The following IREB2 variants were observed in gnomAD, a reference collection of about 807,000 sequenced individuals.
The protein encoded by IREB2 is iron-responsive element-binding protein 2.
Under a neutral mutation model 118.8 loss-of-function variants are expected in IREB2, and 39 were observed. The observed-to-expected ratio is 0.33, with a 90% CI of 0.25 to 0.43. IREB2 has a LOEUF of 0.43. IREB2 is among the 20% of genes least tolerant of loss of function. IREB2 has a pLI of 1.00. For missense variants in IREB2, 900 were observed against 1,147.3 expected (o/e 0.78, Z 3.11); for synonymous variants, 372 against 392.2 (o/e 0.95, Z 0.61).
chr15:78,470,689 C>CTTTT (rs67871183), intron 6 of IREB2, 88 bp downstream of exon 6: 57 of 209,894 alleles, frequency 2.7e-4, no homozygotes, highest in Middle Eastern at 1.5e-3. Context: ...TTTTCTTTTC[C>CTTTT]TTTTTTTTTT....
chr15:78,494,623 G>T (rs1468946583), intron 20 of IREB2, among the ~76,000 whole-genome samples: 1 of 152,104 alleles, frequency 6.6e-6, no homozygotes, highest in Non-Finnish European at 1.5e-5. Context: ...ACCCAGACTG[G>T]AGTGCAGTGG....
At chr15:78,477,776 C>T (rs1414699434) in intron 9 of IREB2, among the ~76,000 whole-genome samples, 1 of 151,870 alleles carries the variant, frequency 6.6e-6, no homozygotes, top group Non-Finnish European at 1.5e-5. Context: ...TAAAAATTAG[C>T]CAGGTGTGGC....
At chr15:78,437,958 A>T (rs550480425), upstream of IREB2, among the ~76,000 whole-genome samples, 3 of 152,206 alleles carry the variant, frequency 2.0e-5, no homozygotes, top group Admixed American at 6.5e-5. Flanking sequence ...CATGACCCCA[A>T]TAGAAAACTT....
chr15:78,484,832 T>C lies in IREB2; in HGVS notation c.1485T>C (p.Ser495=). The stretch of plus-strand genomic sequence containing the variant: ...TTGTCTCCATTCATTATGAAGGAAG[T>C]GAATATAAGCTGTCTCATGGATCAG... ...KDIVSIHYEG[S]EYKLSHGSVV... Residue 495 remains serine (S), a synonymous_variant, in exon 12 of 22, where the codon AGT becomes AGC. Transcript: ENST00000258886. 7.4e-6 allele frequency: 12 copies of C among 1,613,494 alleles called. No individual in the cohort carries two copies. Among genetic ancestry groups the C allele is most frequent in the Non-Finnish European group, 1.0e-5 (12 of 1,179,500 alleles).
At position 78,488,256 on chromosome 15, in the gene IREB2, A is replaced by T; in HGVS notation, c.1871A>T (p.Asn624Ile). Residue 624 changes from asparagine (N) to isoleucine (I), a missense_variant, in exon 15 of 22, where the codon AAT becomes ATT. Physicochemically the swap from Asn to Ile is moderately radical, Grantham distance 149. Coordinates refer to ENST00000258886, the MANE Select transcript of IREB2 (RefSeq NM_004136.4). ...EGRLCDCVRANYLASPPLVVA... is the reference protein window; with the variant it reads ...EGRLCDCVRAIYLASPPLVVA... The stretch of plus-strand genomic sequence containing the variant: ...CGTCTTTGTGATTGTGTTCGTGCCA[A>T]TTATCTTGCCTCTCCACCCTTAGTG... 6.2e-7 allele frequency: 1 copy of T among 1,612,376 alleles called. No homozygotes were observed.
intron 15 of IREB2, 126 bp from the exon 16 acceptor site, chr15:78,488,521 C>T (rs2051696775): frequency 9.6e-7 from 1 of 1,037,122 alleles, no homozygotes; most frequent in Non-Finnish European, 1.4e-6. Flanking sequence ...TTAGTTCTTC[C>T]AGCCGCTTAA....
At position 78,451,569 on chromosome 15, in the gene IREB2, G is replaced by T. The variant is rs897971335; in HGVS notation, c.107-11353G>T. 5.3e-5 allele frequency among the ~76,000 whole-genome samples: 8 copies of T among 152,298 alleles called. No homozygotes were observed. In the East Asian group the frequency reaches 1.2e-3, roughly 22 times the overall value. ...CATTTTTAAGTGAAACTGGTATTTTGTGTGACAGTAAACAATACGAGTACT... is the reference window on the plus strand; with the variant it reads ...CATTTTTAAGTGAAACTGGTATTTTTTGTGACAGTAAACAATACGAGTACT... On this transcript the variant is annotated intron_variant, in intron 2 of 21. Coordinates refer to ENST00000258886, the MANE Select transcript of IREB2 (RefSeq NM_004136.4).
chr15:78,495,005 T>A lies in IREB2; in HGVS notation c.2595+741T>A, dbSNP rs569503786. ...TAAATAGGAGATTGTGGTGCCTGGC[T>A]GTCTGCCAGGAGGACATTTCTCCTG... On this transcript the variant is annotated intron_variant, in intron 20 of 21. Transcript: ENST00000258886. Among the ~76,000 whole-genome samples the A allele has an allele frequency of 2.6e-5, 4 of 152,350 alleles. No individual in the cohort carries two copies. In the East Asian group the frequency reaches 7.7e-4, roughly 29 times the overall value.
At chr15:78,459,046 C>G (rs1026406033) in intron 2 of IREB2, among the ~76,000 whole-genome samples, 5 of 152,052 alleles carry the variant, frequency 3.3e-5, no homozygotes, top group Admixed American at 6.6e-5. Flanking sequence ...AGCAGTCCCC[C>G]CTCCCAAAGT....
At chr15:78,465,541 T>A (rs2051268268) in intron 4 of IREB2, among the ~76,000 whole-genome samples, 153 bp downstream of exon 4, 2 of 152,140 alleles carry the variant, frequency 1.3e-5, no homozygotes, top group Non-Finnish European at 2.9e-5. Flanking sequence ...TGGTGAAAAG[T>A]TTATGGAGTG....
intron 10 of IREB2, chr15:78,480,118 C>T (rs1418330987): frequency 6.6e-6 from 1 of 152,158 alleles, no homozygotes; most frequent in Middle Eastern, 3.4e-3. Flanking sequence ...TCCCCAGCTC[C>T]TAGAACAATT....
chr15:78,456,195 C>T (rs1372206518), intron 2 of IREB2, among the ~76,000 whole-genome samples: 1 of 152,142 alleles, frequency 6.6e-6, no homozygotes, highest in Non-Finnish European at 1.5e-5. Flanking sequence ...TTGGTATCAT[C>T]TTGGAGATTG....
chr15:78,438,438 G>A (rs2050789035), intron 1 of IREB2, 82 bp downstream of exon 1: 2 of 1,489,408 alleles, frequency 1.3e-6, no homozygotes, highest in Non-Finnish European at 1.8e-6. Flanking sequence ...TTTCTCGCCT[G>A]GAGTCGCTCG....
intron 10 of IREB2, among the ~76,000 whole-genome samples, chr15:78,482,344 A>G (rs2141508781): frequency 6.6e-6 from 1 of 152,354 alleles, no homozygotes; most frequent in South Asian, 2.1e-4. Flanking sequence ...AGATGGTTAT[A>G]TTCACATAAA....
intron 2 of IREB2, among the ~76,000 whole-genome samples, chr15:78,453,917 C>T (rs1242887912): frequency 6.6e-6 from 1 of 152,208 alleles, no homozygotes; most frequent in African/African-American, 2.4e-5. Flanking sequence ...GTGCCAGTTT[C>T]TCTGCGTTGA....
intron 2 of IREB2, among the ~76,000 whole-genome samples, chr15:78,457,332 T>G (rs1461506903): frequency 6.6e-6 from 1 of 152,202 alleles, no homozygotes; most frequent in Non-Finnish European, 1.5e-5. Flanking sequence ...TAGAAGAGTC[T>G]GCTCTCTCTT....
chr15:78,485,626 T>C, intron 12 of IREB2, 79 bp from the exon 13 acceptor site: 1 of 1,372,506 alleles, frequency 7.3e-7, no homozygotes. Flanking sequence ...AATAAATTAC[T>C]TCTCACTTTT....
At chr15:78,462,627 A>T (rs567618024) in intron 2 of IREB2, among the ~76,000 whole-genome samples, 1 of 152,274 alleles carries the variant, frequency 6.6e-6, no homozygotes, top group African/African-American at 2.4e-5. Flanking sequence ...TTCCTTGAAT[A>T]TGAAGTATTT....
chr15:78,486,787 A>T (rs1566991741), intron 13 of IREB2, among the ~76,000 whole-genome samples: 1 of 152,026 alleles, frequency 6.6e-6, no homozygotes, highest in Admixed American at 6.6e-5. Flanking sequence ...TTCCTACCTC[A>T]GCCTCCTGAG....
Sources: gnomAD v4.1 joint callset for allele counts (sites outside exome capture counted in the v4.1 genomes callset) on GRCh38, gnomAD v4.1.1 for gene constraint, MANE v1.5 for transcripts, NCBI Gene and HGNC (gene_info 2026-07-23, HGNC 2026-07-21) for gene names.